Variants in CPQ observed in about 807,000 individuals in gnomAD.
CPQ encodes carboxypeptidase Q, also known as Ser-Met dipeptidase.
In CPQ, 37 loss-of-function variants were observed where a neutral mutation model predicts 45.7. The observed-to-expected ratio is 0.81, with a 90% CI of 0.62 to 1.07. The LOEUF is 1.07. CPQ is among the 50% of genes least tolerant of loss of function. The pLI is 0.00. For synonymous variants in CPQ, 186 were observed against 205.8 expected (o/e 0.90, Z 0.82); for missense variants, 537 against 572.9 (o/e 0.94, Z 0.64).
chr8:96,844,409 A>C (rs1005131276), intron 3 of CPQ, among the ~76,000 whole-genome samples: 7 of 152,208 alleles, frequency 4.6e-5, no homozygotes, highest in African/African-American at 1.7e-4. Context: ...GTTGGAGTCT[A>C]TCAAAGGTAA....
chr8:96,732,563 A>T (rs1358440903), intron 1 of CPQ, among the ~76,000 whole-genome samples: 2 of 105,238 alleles, frequency 1.9e-5, no homozygotes, highest in African/African-American at 5.6e-5. Context: ...TTTACTTTCT[A>T]TTTTTCTTTT....
intron 5 of CPQ, among the ~76,000 whole-genome samples, chr8:97,010,517 G>T (rs755322079): frequency 6.6e-6 from 1 of 152,094 alleles, no homozygotes; most frequent in Non-Finnish European, 1.5e-5. Flanking sequence ...TTAGCACAGC[G>T]TCTGGCATAG....
At chr8:97,077,776 G>A (rs1439657558) in intron 7 of CPQ, among the ~76,000 whole-genome samples, 1 of 151,852 alleles carries the variant, frequency 6.6e-6, no homozygotes, top group Non-Finnish European at 1.5e-5. Flanking sequence ...ATTTGAAAAA[G>A]TGGATCCACA....
intron 1 of CPQ, among the ~76,000 whole-genome samples, chr8:96,757,695 A>G (rs891420199): frequency 6.6e-6 from 1 of 151,982 alleles, no homozygotes; most frequent in African/African-American, 2.4e-5. Context: ...GACCTTTTAC[A>G]TATTTATGAA....
At chr8:96,825,642 A>T (rs766667901) in intron 2 of CPQ, among the ~76,000 whole-genome samples, 1 of 152,070 alleles carries the variant, frequency 6.6e-6, no homozygotes, top group Non-Finnish European at 1.5e-5. Context: ...TAGAGTTCTT[A>T]TATTTAACCC....
chr8:97,012,229 T>A (rs748764266), intron 5 of CPQ, among the ~76,000 whole-genome samples: 67 of 152,240 alleles, frequency 4.4e-4, no homozygotes, highest in Non-Finnish European at 8.5e-4. Context: ...TCTGCACAGT[T>A]AATCCAAATG....
chr8:96,967,827 G>A (rs1213843671), intron 5 of CPQ, among the ~76,000 whole-genome samples: 1 of 152,216 alleles, frequency 6.6e-6, no homozygotes, highest in Non-Finnish European at 1.5e-5. Context: ...TCTGCTAGGT[G>A]TGTGGCCTTA....
At chr8:96,998,498 A>G (rs1809212584) in intron 5 of CPQ, among the ~76,000 whole-genome samples, 1 of 151,988 alleles carries the variant, frequency 6.6e-6, no homozygotes, top group Non-Finnish European at 1.5e-5. Flanking sequence ...ATATATAAGT[A>G]AATAGTTCCA....
chr8:96,812,506 AT>A (rs1252148196), intron 2 of CPQ, among the ~76,000 whole-genome samples: 1 of 152,184 alleles, frequency 6.6e-6, no homozygotes, highest in East Asian at 1.9e-4. Context: ...GCTGTAAAAT[AT>A]TCCTTGAGGG....
chr8:96,683,016 G>A (rs1809171318), intron 1 of CPQ, among the ~76,000 whole-genome samples: 1 of 152,096 alleles, frequency 6.6e-6, no homozygotes, highest in Non-Finnish European at 1.5e-5. Flanking sequence ...TATATCATTT[G>A]TCTCTTTCTT....
chr8:96,960,940 A>G (rs1353613577), intron 4 of CPQ, among the ~76,000 whole-genome samples: 2 of 152,130 alleles, frequency 1.3e-5, no homozygotes, highest in African/African-American at 2.4e-5. Context: ...CTATTCCACA[A>G]TGTATCGATT....
intron 7 of CPQ, among the ~76,000 whole-genome samples, chr8:97,128,556 G>T (rs534108105): frequency 9.6e-4 from 146 of 152,242 alleles, no homozygotes; most frequent in Non-Finnish European, 1.1e-3. Context: ...GTGGTAGCAG[G>T]CACCTGTAAT....
At chr8:96,796,475 TCAC>T (rs1214245016) in intron 2 of CPQ, among the ~76,000 whole-genome samples, 1 of 152,218 alleles carries the variant, frequency 6.6e-6, no homozygotes, top group Non-Finnish European at 1.5e-5. Context: ...CATTGATATA[TCAC>T]CTTCTTTTTC....
At chr8:97,032,781 C>T (rs1473512588) in intron 6 of CPQ, among the ~76,000 whole-genome samples, 1 of 152,132 alleles carries the variant, frequency 6.6e-6, no homozygotes, top group Non-Finnish European at 1.5e-5. Flanking sequence ...ACCAGAAGGA[C>T]CTTACATTTT....
Position 97,076,217 on chromosome 8 carries a change from G to T in CPQ, c.1255+10007G>T, listed in dbSNP as rs188323089. Among the ~76,000 whole-genome samples, 682 of 151,818 alleles carry T rather than the reference G, an allele frequency of 4.5e-3. 6 individuals carry two copies. Among genetic ancestry groups the T allele is most frequent in the African/African-American group, 0.016 (657 of 41,404 alleles). On this transcript the variant is annotated intron_variant, in intron 7 of 7. Transcript: ENST00000220763. ...ATTTTTGTATTTTTAGTAGAGATGG[G>T]GTTTTACCATGTTGGTCAGGCTGGT... is the stretch of plus-strand genomic sequence containing the variant.
intron 4 of CPQ, among the ~76,000 whole-genome samples, chr8:96,919,034 A>C (rs1269680328): frequency 6.6e-6 from 1 of 152,054 alleles, no homozygotes; most frequent in African/African-American, 2.4e-5. Context: ...TGGGTACATA[A>C]GTTACTCTAG....
chr8:97,010,073 C>T (rs774246499), intron 5 of CPQ, among the ~76,000 whole-genome samples: 2 of 152,120 alleles, frequency 1.3e-5, no homozygotes, highest in East Asian at 1.9e-4. Context: ...CAGAACAGAC[C>T]CTGTCCCCTG....
intron 5 of CPQ, among the ~76,000 whole-genome samples, chr8:97,016,795 A>G (rs1180913145): frequency 4.6e-5 from 7 of 152,218 alleles, no homozygotes; most frequent in Admixed American, 4.6e-4. Flanking sequence ...ACAAAATGTC[A>G]AAACTCTGAG....
Position 96,901,131 on chromosome 8 carries a change from C to A in CPQ, c.849+21126C>A, listed in dbSNP as rs564631279. Among the ~76,000 whole-genome samples, 31 of 152,274 alleles carry A rather than the reference C, an allele frequency of 2.0e-4. No individual in the cohort carries two copies. In the South Asian group the frequency reaches 6.2e-3, roughly 31 times the overall value. On this transcript the variant is annotated intron_variant, in intron 4 of 7. Transcript: ENST00000220763. ...ATTGTCTCACTGGCAGAGAGCCACTCATCCATGGCCATAGCCTTTTCCGGT... is the reference window on the plus strand; with the variant it reads ...ATTGTCTCACTGGCAGAGAGCCACTAATCCATGGCCATAGCCTTTTCCGGT...
Sources: gnomAD v4.1 joint callset for allele counts (sites outside exome capture counted in the v4.1 genomes callset) on GRCh38, gnomAD v4.1.1 for gene constraint, MANE v1.5 for transcripts, NCBI Gene and HGNC (gene_info 2026-07-23, HGNC 2026-07-21) for gene names.